Variants in ADGRB1 observed in about 807,000 individuals in gnomAD.
ADGRB1 encodes the protein brain-specific angiogenesis inhibitor 1.
Under a neutral mutation model 175.7 loss-of-function variants are expected in ADGRB1, and 36 were observed. The observed-to-expected ratio is 0.20, with a 90% CI of 0.16 to 0.27. ADGRB1 has a LOEUF of 0.27. Ranked by LOEUF, ADGRB1 falls within the 10% of genes least tolerant of loss-of-function variation. ADGRB1 has a pLI of 1.00. For synonymous variants in ADGRB1, 1,054 were observed against 979.4 expected, an observed-to-expected ratio of 1.08 and a Z score of -1.42; for missense variants, 1,731 against 2,255.3, an observed-to-expected ratio of 0.77 and a Z score of 4.71.
In ADGRB1 at chr8:142,537,746, G is replaced by A. The variant is rs1439885835; in HGVS notation, c.3666+664G>A. Among the ~76,000 whole-genome samples the A allele has an allele frequency of 1.3e-5, 2 of 152,104 alleles. No homozygotes were observed. The highest frequency in any genetic ancestry group is 1.3e-4 in the Admixed American group (2 of 15,272). ...TTACAGCACAGCGTTCCCACGACAC[G>A]CACAGGTCCTGGGAGGGCGGCCCAA... is the stretch of plus-strand genomic sequence containing the variant. On this transcript the variant is annotated intron_variant, in intron 26 of 30. Coordinates refer to ENST00000517894, the MANE Select transcript of ADGRB1 (RefSeq NM_001702.3). This position sits in a 1 kb window ranked among gnomAD's most constrained non-coding sequence, Gnocchi z 4.6.
intron 18 of ADGRB1, among the ~76,000 whole-genome samples, chr8:142,514,401 G>A (rs1043313997): frequency 2.0e-5 from 3 of 152,150 alleles, no homozygotes; most frequent in African/African-American, 7.2e-5. Context: ...GCAGGCCTAC[G>A]ACGGCCGGAA....
In ADGRB1 at chr8:142,475,487, G is replaced by A; in HGVS notation, c.798G>A (p.Leu266=). Residue 266 remains leucine, a synonymous_variant, in exon 3 of 31, where the codon CTG becomes CTA. Transcript: ENST00000517894. ...GGHGATGGWK[L]WSLWGECTRD... ...GTTTCCCCCCAGGCGGCTGGAAGCT[G>A]TGGTCCCTGTGGGGCGAATGCACGC... 1 of 1,295,414 alleles carries A rather than the reference G, an allele frequency of 7.7e-7. No homozygotes were observed. The highest frequency in any genetic ancestry group is 9.8e-7 in the Non-Finnish European group (1 of 1,020,468). 80.2% of individuals were successfully genotyped at this position (1,295,414 alleles called of 1,614,324 possible). A position where few individuals can be genotyped will look rare whatever the true frequency, so the allele number is the denominator to read the frequency against.
chr8:142,455,189 A>G lies in ADGRB1; in HGVS notation c.-220+5085A>G, dbSNP rs1016463699. Reference sequence around the variant, plus strand: ...GGCACCACACTGCACCATCATTCCTATCTGACCCCACCTCCATCCCCAACA... The same window carrying G: ...GGCACCACACTGCACCATCATTCCTGTCTGACCCCACCTCCATCCCCAACA... On this transcript the variant is annotated intron_variant, in intron 1 of 30. Coordinates refer to ENST00000517894, the MANE Select transcript of ADGRB1 (RefSeq NM_001702.3). The surrounding 1 kb of genome is among the most constrained non-coding windows in gnomAD (Gnocchi z 4.9). Among the ~76,000 whole-genome samples, 1 of 144,542 alleles carries G rather than the reference A, an allele frequency of 6.9e-6. No individual in the cohort carries two copies. Among genetic ancestry groups the G allele is most frequent in the Non-Finnish European group, 1.5e-5 (1 of 66,536 alleles). The allele number at this position is 144,542 out of a possible 152,430, so 94.8% of individuals were successfully genotyped here. A position where few individuals can be genotyped will look rare whatever the true frequency, so the allele number is the denominator to read the frequency against.
At chr8:142,454,835 A>T (rs1007626400) in intron 1 of ADGRB1, among the ~76,000 whole-genome samples, 3 of 152,136 alleles carry the variant, frequency 2.0e-5, no homozygotes, top group African/African-American at 7.2e-5. Flanking sequence ...AGCAACAAAA[A>T]ATAGGATCAG....
chr8:142,477,189 C>T lies in ADGRB1; in HGVS notation c.1133C>T (p.Thr378Met), dbSNP rs774842173. Residue 378 changes from threonine to methionine, a missense_variant, in exon 5 of 31, where the codon ACG becomes ATG. Physicochemically the swap from Thr to Met is moderately conservative, Grantham distance 81. This residue lies in a region of ADGRB1 where 178 missense variants were observed against 227.8 expected (regional missense o/e 0.78). Coordinates refer to ENST00000517894, the MANE Select transcript of ADGRB1 (RefSeq NM_001702.3). ...TGCGGCGAGGGCTGGCAGACCCGCACGCGCTTCTGCGTGTCCTCCTCCTAC... is the reference window on the plus strand; with the variant it reads ...TGCGGCGAGGGCTGGCAGACCCGCATGCGCTTCTGCGTGTCCTCCTCCTAC... ...STCGEGWQTR[T>M]RFCVSSSYST... 12 of 1,597,584 alleles carry T rather than the reference C, an allele frequency of 7.5e-6. No individual in the cohort carries two copies. Among genetic ancestry groups the T allele is most frequent in the Admixed American group, 1.7e-5 (1 of 59,766 alleles).
Position 142,544,267 on chromosome 8 carries a change from G to A in ADGRB1, c.4605G>A (p.Arg1535=). 6.5e-7 allele frequency: 1 copy of A among 1,549,350 alleles called. No homozygotes were observed. Among genetic ancestry groups the A allele is most frequent in the Non-Finnish European group, 8.7e-7 (1 of 1,146,662 alleles). Residue 1535 remains arginine, a synonymous_variant, in exon 31 of 31, where the codon CGG becomes CGA. Transcript: ENST00000517894. ...ACAAGAGGCCCTGGGAGAGCCTCCGGAAAGCCCACGGGACGCCCACGTGGG... is the reference window on the plus strand; with the variant it reads ...ACAAGAGGCCCTGGGAGAGCCTCCGAAAAGCCCACGGGACGCCCACGTGGG... ...TPNKRPWESL[R]KAHGTPTWVK...
chr8:142,483,698 GT>G, intron 11 of ADGRB1, among the ~76,000 whole-genome samples: 1 of 74,162 alleles, frequency 1.3e-5, no homozygotes, highest in South Asian at 3.9e-4. Flanking sequence ...CACTGCACTG[GT>G]CACATGCTGA....
At chr8:142,483,912 G>A (rs907406761) in intron 11 of ADGRB1, 65 bp from the exon 12 acceptor site, 1 of 1,544,904 alleles carries the variant, frequency 6.5e-7, no homozygotes, top group Non-Finnish European at 8.9e-7. Flanking sequence ...CCTGACCCTG[G>A]TCACAGTGAA....
At chr8:142,531,305 G>A (rs1844608453) in intron 24 of ADGRB1, among the ~76,000 whole-genome samples, 1 of 152,234 alleles carries the variant, frequency 6.6e-6, no homozygotes, top group Admixed American at 6.5e-5. Flanking sequence ...AATATTGATG[G>A]AGGGCCTCCT....
At chr8:142,479,218 C>T (rs1052056487) in intron 7 of ADGRB1, 105 bp from the exon 8 acceptor site, 60 of 1,264,348 alleles carry the variant, frequency 4.7e-5, no homozygotes, top group Non-Finnish European at 5.7e-5. Context: ...GTTTCACTGC[C>T]GCATGGCTCT....
At chr8:142,497,297 C>T (rs1041471335) in intron 17 of ADGRB1, among the ~76,000 whole-genome samples, 12 of 152,140 alleles carry the variant, frequency 7.9e-5, no homozygotes, top group Non-Finnish European at 1.6e-4. Context: ...CCTGCCCAAG[C>T]GAGCATCCTG....
In ADGRB1 at chr8:142,542,580, C is replaced by T. The variant is rs925283142; in HGVS notation, c.4346C>T (p.Pro1449Leu). 56 of 1,540,328 alleles carry T rather than the reference C, an allele frequency of 3.6e-5. No homozygotes were observed. The highest frequency in any genetic ancestry group is 1.0e-4 in the Admixed American group (5 of 50,230). Residue 1449 changes from proline (P) to leucine (L), a missense_variant, in exon 28 of 31, where the codon CCG becomes CTG. Physicochemically the swap from Pro to Leu is moderately conservative, Grantham distance 98. Transcript: ENST00000517894. This position sits in a 1 kb window ranked among gnomAD's most constrained non-coding sequence, Gnocchi z 6.3. ...LGDPGEPAAHPGPSTGPSTKN... is the reference protein window; with the variant it reads ...LGDPGEPAAHLGPSTGPSTKN... ...GATCCCGGGGAGCCTGCCGCCCATCCGGGACCCAGCACGGGGCCCAGCACC... is the reference window on the plus strand; with the variant it reads ...GATCCCGGGGAGCCTGCCGCCCATCTGGGACCCAGCACGGGGCCCAGCACC...
chr8:142,542,330 A>G lies in ADGRB1; in HGVS notation c.4096A>G (p.Ser1366Gly). The change falls in exon 28 of 31, where the codon AGC (serine) becomes GGC (glycine). Residue 1366 changes from serine to glycine, a missense_variant. This residue lies in a region of ADGRB1 where 394 missense variants were observed against 410.2 expected (regional missense o/e 0.96). Coordinates refer to ENST00000517894, the MANE Select transcript of ADGRB1 (RefSeq NM_001702.3). This position sits in a 1 kb window ranked among gnomAD's most constrained non-coding sequence, Gnocchi z 6.3. ...CAAGCCCAAGGAGGAGCCCAAGTAC[A>G]GCATCCACATTGACCAGATGCCGCA... ...RPKPKEEPKY[S>G]IHIDQMPQTR... 6.2e-7 allele frequency: 1 copy of G among 1,611,540 alleles called. No homozygotes were observed. Among genetic ancestry groups the G allele is most frequent in the Non-Finnish European group, 8.5e-7 (1 of 1,179,300 alleles).
rs768112026 is a variant in ADGRB1 at position 142,475,432 on chromosome 8, C to CCCCTG, written c.785-31_785-27dup. 7.1e-6 allele frequency: 9 copies of CCCCTG among 1,266,794 alleles called. No homozygotes were observed. The Admixed American group carries it at 2.4e-4, about 34-fold the overall frequency. 78.5% of individuals were successfully genotyped at this position (1,266,794 alleles called of 1,614,324 possible). A position where few individuals can be genotyped will look rare whatever the true frequency, so the allele number is the denominator to read the frequency against. On this transcript the variant is annotated intron_variant, in intron 2 of 30. Transcript: ENST00000517894. ...ATGACTTACCCGTCCAGGCCACGAG[C>CCCCTG]CCCTGCCCTGCCCTGATCCCCGCCC...
chr8:142,519,728 TGTG>T lies in ADGRB1; in HGVS notation c.2922-1091_2922-1089del, dbSNP rs1269298172. Reference sequence around the variant, plus strand: ...TGTTGGTGGTGCTGGTGCTGGTGATTGTGGTGATGGTGGTAGTGATGGTGGTAA... The same window carrying T: ...TGTTGGTGGTGCTGGTGCTGGTGATTGTGATGGTGGTAGTGATGGTGGTAA... On this transcript the variant is annotated intron_variant, in intron 19 of 30. Coordinates refer to ENST00000517894, the MANE Select transcript of ADGRB1 (RefSeq NM_001702.3). Among the ~76,000 whole-genome samples the T allele has an allele frequency of 1.0e-4, 10 of 96,980 alleles. 1 individual carries two copies. Among genetic ancestry groups the T allele is most frequent in the Non-Finnish European group, 1.5e-4 (7 of 47,172 alleles). 63.6% of individuals were successfully genotyped at this position (96,980 alleles called of 152,430 possible). A position where few individuals can be genotyped will look rare whatever the true frequency, so the allele number is the denominator to read the frequency against.
chr8:142,460,500 G>A (rs1839916552), intron 1 of ADGRB1, among the ~76,000 whole-genome samples: 2 of 152,188 alleles, frequency 1.3e-5, no homozygotes, highest in Admixed American at 1.3e-4. Flanking sequence ...GGGGATGCTG[G>A]GGAGCCGGGA....
intron 17 of ADGRB1, among the ~76,000 whole-genome samples, chr8:142,491,252 G>A (rs940186411): frequency 2.6e-5 from 4 of 152,278 alleles, no homozygotes; most frequent in Admixed American, 1.3e-4. Context: ...AGATGGGGGC[G>A]TGGGCCCCTG....
intron 1 of ADGRB1, among the ~76,000 whole-genome samples, chr8:142,462,879 G>A (rs1162129471): frequency 6.6e-6 from 1 of 152,176 alleles, no homozygotes; most frequent in Non-Finnish European, 1.5e-5. Flanking sequence ...CCACAGCGAG[G>A]TGGATGCCCG....
At chr8:142,531,428 C>T (rs1001228081) in intron 24 of ADGRB1, among the ~76,000 whole-genome samples, 24 of 152,300 alleles carry the variant, frequency 1.6e-4, no homozygotes, top group African/African-American at 4.8e-4. Context: ...GAGGCCTCTC[C>T]GGACGCCTGA....
Sources: allele counts gnomAD v4.1 joint callset (sites outside exome capture counted in the v4.1 genomes callset), GRCh38; gene constraint gnomAD v4.1.1; regional missense constraint gnomAD v4.1.1; non-coding constraint Gnocchi (gnomAD v3.1); transcripts MANE v1.5; gene names NCBI Gene and HGNC (gene_info 2026-07-23, HGNC 2026-07-21).